Variants in FKBP1B observed in about 807,000 individuals in gnomAD.
The protein encoded by FKBP1B is FKBP prolyl isomerase 1B.
FKBP1B carries 4 observed loss-of-function variants against 13.5 expected under a neutral mutation model. That is an observed-to-expected ratio of 0.30 (90% CI 0.15 to 0.68). FKBP1B has a LOEUF of 0.68. Ranked by LOEUF, FKBP1B falls within the 30% of genes least tolerant of loss-of-function variation. The pLI, the probability that FKBP1B is intolerant of heterozygous loss-of-function variation, is 0.76. For synonymous variants in FKBP1B, 54 were observed against 53.6 expected, an observed-to-expected ratio of 1.01 and a Z score of -0.03; for missense variants, 93 against 136.2, an observed-to-expected ratio of 0.68 and a Z score of 1.58.
chr2:24,038,743 A>G, the FKBP1B span: 3 of 1,614,184 alleles, frequency 1.9e-6, no homozygotes, highest in Non-Finnish European at 1.7e-6. Context: ...AATAACTGGT[A>G]AAGCATACGG....
At chr2:24,049,724 G>A (rs1462978183), upstream of FKBP1B, 7 of 716,078 alleles carry the variant, frequency 9.8e-6, no homozygotes, top group Non-Finnish European at 1.4e-5. Flanking sequence ...GACTCCAGCC[G>A]CACCTCCTCC....
At chr2:24,040,060 CA>C in the FKBP1B span, among the ~76,000 whole-genome samples, 1 of 152,074 alleles carries the variant, frequency 6.6e-6, no homozygotes, top group Non-Finnish European at 1.5e-5. Context: ...CTCAGCCTCC[CA>C]AAGTGCTGGG....
At chr2:24,044,761 A>G (rs1378363827), upstream of FKBP1B, among the ~76,000 whole-genome samples, 4 of 150,190 alleles carry the variant, frequency 2.7e-5, no homozygotes, top group Non-Finnish European at 5.9e-5. Flanking sequence ...CCTTGATACC[A>G]GTCTCTACTT....
At chr2:24,038,655 T>A in the FKBP1B span, 1 of 1,614,244 alleles carries the variant, frequency 6.2e-7, no homozygotes, top group Non-Finnish European at 8.5e-7. Flanking sequence ...CCAGAGGTTC[T>A]AAATAGGAAG....
chr2:24,056,114 C>G (rs551005976), intron 2 of FKBP1B, among the ~76,000 whole-genome samples: 3 of 151,780 alleles, frequency 2.0e-5, no homozygotes, highest in Admixed American at 6.6e-5. Flanking sequence ...CTTAGCCTCC[C>G]GAGTAGCTGG....
the FKBP1B span, among the ~76,000 whole-genome samples, chr2:24,035,699 G>GA: frequency 4.0e-5 from 6 of 151,866 alleles, no homozygotes; most frequent in Non-Finnish European, 7.4e-5. Flanking sequence ...AGGACTGCTT[G>GA]AGCCCAGGAC....
the FKBP1B span, among the ~76,000 whole-genome samples, chr2:24,043,519 C>A: frequency 3.5e-5 from 5 of 141,396 alleles, no homozygotes; most frequent in Admixed American, 3.4e-4. Context: ...AACAAAAAAC[C>A]CCCCAACAAT....
At position 24,050,794 on chromosome 2, in the gene FKBP1B, G is replaced by C. The variant is rs1361600271; in HGVS notation, c.37+908G>C. On this transcript the variant is annotated intron_variant, in intron 1 of 3. Coordinates refer to ENST00000380986, the MANE Select transcript of FKBP1B (RefSeq NM_004116.5). This position sits in a 1 kb window ranked among gnomAD's most constrained non-coding sequence, Gnocchi z 5.8. ...TTAATATGAACAGCTCCCCTCCCCA[G>C]GAAATTGGATAACTTCTTGGCTCCA... Among the ~76,000 whole-genome samples the C allele has an allele frequency of 6.6e-6, 1 of 152,190 alleles. No individual in the cohort carries two copies. The highest frequency in any genetic ancestry group is 6.5e-5 in the Admixed American group (1 of 15,288).
chr2:24,063,484 C>CCCG lies in FKBP1B; in HGVS notation c.*292_*293insCCG. The CCCG allele has an allele frequency of 3.1e-6, 1 of 319,690 alleles. No individual in the cohort carries two copies. Among genetic ancestry groups the CCCG allele is most frequent in the Non-Finnish European group, 5.7e-6 (1 of 175,958 alleles). 19.8% of individuals were successfully genotyped at this position (319,690 alleles called of 1,614,324 possible). A position where few individuals can be genotyped will look rare whatever the true frequency, so the allele number is the denominator to read the frequency against. ...ACAGAACACAGATCTCTTGTTCGCA[C>CCCG]AATCTACACTGCCTTACCTTCACTT... On this transcript the variant is annotated 3_prime_UTR_variant, in exon 4 of 4. Transcript: ENST00000380986.
chr2:24,038,461 A>G, the FKBP1B span: 3 of 1,614,250 alleles, frequency 1.9e-6, no homozygotes, highest in Non-Finnish European at 2.5e-6. Context: ...ATTAAATGCT[A>G]TCAGATCAGG....
chr2:24,039,050 C>G, the FKBP1B span: 25 of 1,614,144 alleles, frequency 1.5e-5, no homozygotes, highest in African/African-American at 2.7e-5. Flanking sequence ...TCTGCCTTTA[C>G]CTGGGAATCA....
At chr2:24,049,090 T>C (rs1436634080), upstream of FKBP1B, among the ~76,000 whole-genome samples, 2 of 152,166 alleles carry the variant, frequency 1.3e-5, no homozygotes, top group Non-Finnish European at 2.9e-5. Flanking sequence ...GGTAGGAACC[T>C]CTTCTGTGCT....
chr2:24,038,426 C>T, the FKBP1B span: 1 of 1,614,128 alleles, frequency 6.2e-7, no homozygotes, highest in Non-Finnish European at 8.5e-7. Context: ...GTGTTGGAAG[C>T]CACTGCCACT....
At chr2:24,047,200 C>G (rs1344603400), upstream of FKBP1B, 2 of 152,498 alleles carry the variant, frequency 1.3e-5, no homozygotes, top group Admixed American at 6.6e-5. Context: ...CCTCTCTGCA[C>G]GCCTGAATCT....
upstream of FKBP1B, among the ~76,000 whole-genome samples, chr2:24,048,234 C>A (rs1225630664): frequency 2.6e-5 from 4 of 151,992 alleles, no homozygotes; most frequent in Non-Finnish European, 5.9e-5. Flanking sequence ...CTTTGGGAGG[C>A]TGAGGCGGGC....
At chr2:24,059,056 G>A (rs1664260725) in intron 2 of FKBP1B, among the ~76,000 whole-genome samples, 1 of 152,188 alleles carries the variant, frequency 6.6e-6, no homozygotes, top group Non-Finnish European at 1.5e-5. Context: ...ACACATCTGA[G>A]GCCCTGGGAG....
the FKBP1B span, among the ~76,000 whole-genome samples, chr2:24,034,282 G>A: frequency 6.6e-6 from 1 of 152,130 alleles, no homozygotes. Flanking sequence ...TTAGCTGGGT[G>A]TGGTGGTGCA....
At chr2:24,037,808 T>A in the FKBP1B span, 1 of 1,614,228 alleles carries the variant, frequency 6.2e-7, no homozygotes, top group Admixed American at 1.7e-5. Context: ...CTAGATAAAA[T>A]TTCCACTTCC....
the FKBP1B span, chr2:24,039,429 C>T: frequency 1.7e-5 from 28 of 1,614,234 alleles, 1 homozygote; most frequent in South Asian, 8.8e-5. Context: ...GGCCATGGAT[C>T]GGATGCACTG....
Sources: allele counts gnomAD v4.1 joint callset (sites outside exome capture counted in the v4.1 genomes callset), GRCh38; gene constraint gnomAD v4.1.1; non-coding constraint Gnocchi (gnomAD v3.1); transcripts MANE v1.5; gene names NCBI Gene and HGNC (gene_info 2026-07-23, HGNC 2026-07-21).